FSTL4: variants seen among roughly 807,000 people sequenced by gnomAD.
The protein encoded by FSTL4 is follistatin-related protein 4.
In FSTL4, 28 loss-of-function variants were observed where a neutral mutation model predicts 78.2. The ratio of observed to expected loss-of-function variants is 0.36; its 90% CI spans 0.27 to 0.49. FSTL4 has a LOEUF of 0.49. Ranked by LOEUF, FSTL4 falls within the 20% of genes least tolerant of loss-of-function variation. The probability of loss-of-function intolerance (pLI) is 0.98; values close to 1 mark genes in which losing one functional copy is unlikely to be tolerated. For missense variants in FSTL4, 922 were observed against 1,084.9 expected (o/e 0.85, Z 2.11); for synonymous variants, 422 against 440.5 (o/e 0.96, Z 0.53).
Position 133,226,488 on chromosome 5 carries a change from C to T in FSTL4, c.1016-669G>A, listed in dbSNP as rs112962949. On this transcript the variant is annotated intron_variant, in intron 8 of 15. Transcript: ENST00000265342. ...CTCCACAGAGCTCTGGCCCTTCCTA[C>T]CCAGCCTGGCTGTGGGGAGGGGCCT... is the stretch of plus-strand genomic sequence containing the variant. Among the ~76,000 whole-genome samples the T allele has an allele frequency of 4.8e-3, 731 of 152,314 alleles. 11 individuals carry two copies. The highest frequency in any genetic ancestry group is 0.016 in the African/African-American group (672 of 41,568).
At chr5:133,591,995 C>T (rs1055841455) in intron 2 of FSTL4, among the ~76,000 whole-genome samples, 1 of 152,158 alleles carries the variant, frequency 6.6e-6, no homozygotes, top group African/African-American at 2.4e-5. Context: ...ACCCAGATAC[C>T]CACCTTAACC....
intron 7 of FSTL4, among the ~76,000 whole-genome samples, chr5:133,246,069 G>A (rs376552387): frequency 3.1e-4 from 47 of 152,254 alleles, no homozygotes; most frequent in African/African-American, 1.0e-3. Context: ...TCATACAAAC[G>A]ACAAAGAAAG....
chr5:133,696,306 G>A, the FSTL4 span, among the ~76,000 whole-genome samples: 1 of 152,218 alleles, frequency 6.6e-6, no homozygotes, highest in African/African-American at 2.4e-5. Flanking sequence ...TTTGTCTGGG[G>A]CTCTGAGCTT....
intron 2 of FSTL4, among the ~76,000 whole-genome samples, chr5:133,597,005 C>T (rs1299174888): frequency 2.0e-5 from 3 of 152,122 alleles, no homozygotes; most frequent in Non-Finnish European, 4.4e-5. Context: ...GCTTCTCAGC[C>T]ACCTGGCCAC....
chr5:133,486,806 T>C (rs993644916), intron 3 of FSTL4, among the ~76,000 whole-genome samples: 3 of 152,164 alleles, frequency 2.0e-5, no homozygotes, highest in Non-Finnish European at 2.9e-5. Flanking sequence ...CCACACCTTC[T>C]TAGGCACAAA....
the FSTL4 span, among the ~76,000 whole-genome samples, chr5:133,754,832 C>T: frequency 3.9e-5 from 6 of 152,210 alleles, no homozygotes; most frequent in African/African-American, 1.4e-4. Flanking sequence ...CCGTTTAAGA[C>T]AGACATTCCT....
intron 2 of FSTL4, among the ~76,000 whole-genome samples, chr5:133,572,409 A>C (rs1760178297): frequency 6.6e-6 from 1 of 152,218 alleles, no homozygotes; most frequent in South Asian, 2.1e-4. Context: ...ATTTGAAAAA[A>C]ACATTAGAAT....
At chr5:133,784,129 A>G in the FSTL4 span, among the ~76,000 whole-genome samples, 1 of 152,096 alleles carries the variant, frequency 6.6e-6, no homozygotes, top group South Asian at 2.1e-4. Context: ...AGTGCTCCCT[A>G]ACATGAGAAG....
At chr5:133,237,260 G>A (rs1022929389) in intron 7 of FSTL4, among the ~76,000 whole-genome samples, 2 of 152,150 alleles carry the variant, frequency 1.3e-5, no homozygotes, top group African/African-American at 4.8e-5. Context: ...GCTGGGGCAC[G>A]CTGGAATTGA....
chr5:133,730,660 A>G, the FSTL4 span, among the ~76,000 whole-genome samples: 2 of 152,238 alleles, frequency 1.3e-5, no homozygotes, highest in South Asian at 4.1e-4. Context: ...CAGATGGTTG[A>G]TTAAAAACAG....
At chr5:133,342,177 G>T (rs1265180542) in intron 4 of FSTL4, among the ~76,000 whole-genome samples, 1 of 152,152 alleles carries the variant, frequency 6.6e-6, no homozygotes, top group Admixed American at 6.5e-5. Context: ...GAGGTCGCTT[G>T]AAGTTCAGGG....
the FSTL4 span, among the ~76,000 whole-genome samples, chr5:133,656,414 A>G: frequency 6.6e-6 from 1 of 152,168 alleles, no homozygotes; most frequent in East Asian, 1.9e-4. Context: ...ATGACCTGCC[A>G]TTTGCACAGG....
chr5:133,475,873 T>G (rs138888792), intron 3 of FSTL4, among the ~76,000 whole-genome samples: 8 of 152,134 alleles, frequency 5.3e-5, no homozygotes, highest in Non-Finnish European at 1.2e-4. Flanking sequence ...CTCTCACGCG[T>G]GTGTGAGAGT....
chr5:133,487,628 C>T (rs1758163538), intron 3 of FSTL4, among the ~76,000 whole-genome samples: 2 of 152,130 alleles, frequency 1.3e-5, no homozygotes, highest in Non-Finnish European at 1.5e-5. Flanking sequence ...TAGTTGATGA[C>T]GAGTCCTCTC....
intron 6 of FSTL4, among the ~76,000 whole-genome samples, chr5:133,262,025 CTT>C (rs1230763581): frequency 6.6e-6 from 1 of 151,764 alleles, no homozygotes; most frequent in Non-Finnish European, 1.5e-5. Context: ...AGAATAGACT[CTT>C]TGTGGTAATA....
chr5:133,443,642 T>A (rs27417), intron 3 of FSTL4, among the ~76,000 whole-genome samples: 51,675 of 152,064 alleles, frequency 0.34, 10,257 homozygotes, highest in African/African-American at 0.56. Flanking sequence ...GAAATCCAGC[T>A]CCTCTCAGGC....
the FSTL4 span, among the ~76,000 whole-genome samples, chr5:133,706,436 G>A: frequency 6.6e-6 from 1 of 152,118 alleles, no homozygotes; most frequent in Non-Finnish European, 1.5e-5. Flanking sequence ...AAAATTACCA[G>A]AGTTGCTTAA....
At chr5:133,757,244 AT>A in the FSTL4 span, among the ~76,000 whole-genome samples, 17 of 152,316 alleles carry the variant, frequency 1.1e-4, no homozygotes, top group Non-Finnish European at 1.9e-4. Flanking sequence ...AATTTTAATA[AT>A]TTTTTTATCT....
At chr5:133,359,662 T>C (rs1755027774) in intron 4 of FSTL4, among the ~76,000 whole-genome samples, 1 of 152,208 alleles carries the variant, frequency 6.6e-6, no homozygotes, top group Admixed American at 6.5e-5. Flanking sequence ...TAGCCACTTA[T>C]TGTTGGCAGT....
Sources: gnomAD v4.1 joint callset for allele counts (sites outside exome capture counted in the v4.1 genomes callset) on GRCh38, gnomAD v4.1.1 for gene constraint, MANE v1.5 for transcripts, NCBI Gene and HGNC (gene_info 2026-07-23, HGNC 2026-07-21) for gene names.